The following PRKCH variants were observed in gnomAD, a reference collection of about 807,000 sequenced individuals.
PRKCH encodes protein kinase C eta type.
Under a neutral mutation model 82.5 loss-of-function variants are expected in PRKCH, and 28 were observed. That is an observed-to-expected ratio of 0.34 (90% CI 0.25 to 0.47). PRKCH has a LOEUF of 0.47. Among genes scored for constraint, PRKCH ranks in the 20% least tolerant of loss-of-function variants. The probability of loss-of-function intolerance (pLI) is 1.00; values close to 1 mark genes in which losing one functional copy is unlikely to be tolerated. For synonymous variants in PRKCH, 322 were observed against 327.4 expected (o/e 0.98, Z 0.18); for missense variants, 705 against 881.8 (o/e 0.80, Z 2.54).
At position 61,487,119 on chromosome 14, in the gene PRKCH, C is replaced by T. The variant is rs149093711; in HGVS notation, c.1433+1463C>T. 1.1e-3 allele frequency among the ~76,000 whole-genome samples: 172 copies of T among 152,236 alleles called. 2 individuals carry two copies. The highest frequency in any genetic ancestry group is 2.9e-3 in the African/African-American group (121 of 41,538). Reference sequence around the variant, plus strand: ...GGGTGGTGCTGGAGATAAGTGGGAACGCAAGCACTGCATAGCAGGTGTGGC... The same window carrying T: ...GGGTGGTGCTGGAGATAAGTGGGAATGCAAGCACTGCATAGCAGGTGTGGC... On this transcript the variant is annotated intron_variant, in intron 10 of 13. Coordinates refer to ENST00000332981, the MANE Select transcript of PRKCH (RefSeq NM_006255.5).
At chr14:61,418,053 G>A (rs3783803) in intron 2 of PRKCH, among the ~76,000 whole-genome samples, 2,142 of 152,272 alleles carry the variant, frequency 0.014, 56 homozygotes, top group East Asian at 0.13. Context: ...TCTTACATAC[G>A]GAATAGTTCC....
chr14:61,499,296 A>T (rs1400645510), intron 10 of PRKCH, among the ~76,000 whole-genome samples: 1 of 152,200 alleles, frequency 6.6e-6, no homozygotes, highest in African/African-American at 2.4e-5. Flanking sequence ...GTAAGTAGAA[A>T]TGTGAAGTGG....
At chr14:61,538,542 A>T (rs2043141939) in intron 12 of PRKCH, among the ~76,000 whole-genome samples, 2 of 152,134 alleles carry the variant, frequency 1.3e-5, no homozygotes, top group South Asian at 4.1e-4. Context: ...AGTGTAAAGG[A>T]TTTTTTAAAA....
intron 1 of PRKCH, among the ~76,000 whole-genome samples, chr14:61,382,282 T>C (rs1342186463): frequency 6.6e-6 from 1 of 152,008 alleles, no homozygotes; most frequent in Admixed American, 6.5e-5. Context: ...ATACAAAAAT[T>C]AGCTGGGCGT....
chr14:61,426,737 T>G (rs1883128793), intron 2 of PRKCH, among the ~76,000 whole-genome samples: 1 of 152,242 alleles, frequency 6.6e-6, no homozygotes, highest in Non-Finnish European at 1.5e-5. Context: ...TCACCTACAA[T>G]TATAGTATAA....
At chr14:61,336,559 A>G (rs2045859854) in intron 1 of PRKCH, among the ~76,000 whole-genome samples, 1 of 152,210 alleles carries the variant, frequency 6.6e-6, no homozygotes, top group South Asian at 2.1e-4. Context: ...CCAGAAATAA[A>G]TCAAGTTGCA....
Position 61,294,371 on chromosome 14 carries a change from C to T in PRKCH, c.-19+106703C>T, listed in dbSNP as rs562376911. Among the ~76,000 whole-genome samples the T allele has an allele frequency of 2.6e-5, 4 of 152,226 alleles. No individual in the cohort carries two copies. The South Asian group carries it at 6.2e-4, about 24-fold the overall frequency. On this transcript the variant is annotated intron_variant, in intron 1 of 3. Transcript: ENST00000555185. ...TCCTGACCTCGTGATCTGCCCGCCT[C>T]GGCCTCCCAAAGTGTTGGGATTACA...
intron 1 of PRKCH, among the ~76,000 whole-genome samples, chr14:61,314,172 T>C (rs1241724329): frequency 7.4e-6 from 1 of 135,682 alleles, no homozygotes; most frequent in Non-Finnish European, 1.6e-5. Flanking sequence ...TATCTCTTCT[T>C]TTTTATTGTG....
chr14:61,447,978 C>A (rs935298292), intron 4 of PRKCH, among the ~76,000 whole-genome samples: 2 of 152,064 alleles, frequency 1.3e-5, no homozygotes, highest in African/African-American at 4.8e-5. Context: ...AATAGGAAAA[C>A]AACAGAGAAA....
intron 10 of PRKCH, among the ~76,000 whole-genome samples, chr14:61,517,865 T>A (rs945189011): frequency 6.6e-6 from 1 of 152,146 alleles, no homozygotes; most frequent in African/African-American, 2.4e-5. Flanking sequence ...CAGTAAGGGG[T>A]CCTTCATACC....
chr14:61,319,942 G>A (rs141312961), upstream of PRKCH, among the ~76,000 whole-genome samples: 37 of 152,278 alleles, frequency 2.4e-4, no homozygotes, highest in African/African-American at 8.2e-4. Context: ...CTGTTATTAC[G>A]GGTCAGGCCT....
At chr14:61,383,163 A>G in intron 1 of PRKCH, among the ~76,000 whole-genome samples, 1 of 152,198 alleles carries the variant, frequency 6.6e-6, no homozygotes, top group Non-Finnish European at 1.5e-5. Flanking sequence ...CTTGTCATCC[A>G]TATGTCACCG....
At position 61,450,796 on chromosome 14, in the gene PRKCH, T is replaced by C. The variant is rs138552772; in HGVS notation, c.703-46T>C. On this transcript the variant is annotated intron_variant, in intron 5 of 13. Coordinates refer to ENST00000332981, the MANE Select transcript of PRKCH (RefSeq NM_006255.5). Reference sequence around the variant, plus strand: ...CCTATTACAGTTTTTACAAAGGACATTGGTATGACATTTTAGCTCTTGTCC... The same window carrying C: ...CCTATTACAGTTTTTACAAAGGACACTGGTATGACATTTTAGCTCTTGTCC... 6.9e-4 allele frequency: 1,110 copies of C among 1,597,568 alleles called. 9 individuals are homozygous for C. In the East Asian group the frequency reaches 0.016, roughly 24 times the overall value.
intron 2 of PRKCH, among the ~76,000 whole-genome samples, chr14:61,409,088 C>T (rs1882118319): frequency 1.3e-5 from 2 of 152,188 alleles, no homozygotes; most frequent in African/African-American, 4.8e-5. Flanking sequence ...CATACCTTTT[C>T]CCAAGCCACT....
intron 1 of PRKCH, among the ~76,000 whole-genome samples, chr14:61,386,302 A>G (rs2046586373): frequency 6.6e-6 from 1 of 152,168 alleles, no homozygotes; most frequent in Non-Finnish European, 1.5e-5. Flanking sequence ...AGGAGAGGAA[A>G]CACTGACGGT....
intron 12 of PRKCH, 22 bp from the exon 13 acceptor site, chr14:61,547,721 A>G: frequency 6.2e-7 from 1 of 1,605,930 alleles, no homozygotes; most frequent in Non-Finnish European, 8.5e-7. Flanking sequence ...AATGATTGAC[A>G]CTTTCTCTCT....
chr14:61,236,989 T>C (rs1401592406), intron 1 of PRKCH, among the ~76,000 whole-genome samples: 1 of 152,200 alleles, frequency 6.6e-6, no homozygotes, highest in African/African-American at 2.4e-5. Flanking sequence ...CATTTATTCC[T>C]TTACTTTCTT....
rs182774826 is a variant in PRKCH at position 61,315,904 on chromosome 14, C to T, written c.-19+128236C>T. Among the ~76,000 whole-genome samples, 226 of 151,986 alleles carry T rather than the reference C, an allele frequency of 1.5e-3. 1 individual carries two copies. Among genetic ancestry groups the T allele is most frequent in the African/African-American group, 5.1e-3 (211 of 41,448 alleles). ...CTGGGATTACAGGGACATACCACCA[C>T]GCCCAGCTAATTTTTGAATTTTTAG... On this transcript the variant is annotated intron_variant, in intron 1 of 3. Transcript: ENST00000555185.
intron 2 of PRKCH, among the ~76,000 whole-genome samples, chr14:61,440,189 T>C (rs1327407186): frequency 6.6e-6 from 1 of 152,230 alleles, no homozygotes; most frequent in Non-Finnish European, 1.5e-5. Flanking sequence ...AATGTTAAAA[T>C]CTGTTCACTT....
Sources: allele counts gnomAD v4.1 joint callset (sites outside exome capture counted in the v4.1 genomes callset), GRCh38; gene constraint gnomAD v4.1.1; transcripts MANE v1.5; gene names NCBI Gene and HGNC (gene_info 2026-07-23, HGNC 2026-07-21).